HS6ST2: variants seen among roughly 807,000 people sequenced by gnomAD.
HS6ST2 encodes the protein heparan-sulfate 6-O-sulfotransferase 2.
A neutral mutation model predicts 33.0 loss-of-function variants in HS6ST2; 17 were observed. The observed-to-expected ratio is 0.52, with a 90% CI of 0.35 to 0.77. The LOEUF (loss-of-function observed/expected upper bound fraction) is 0.77, where lower values mean the gene tolerates loss of function less well. Among genes scored for constraint, HS6ST2 ranks in the 30% least tolerant of loss-of-function variants. HS6ST2 has a pLI of 0.01. For synonymous variants in HS6ST2, 248 were observed against 237.1 expected, an observed-to-expected ratio of 1.05 and a Z score of -0.42; for missense variants, 519 against 551.7, an observed-to-expected ratio of 0.94 and a Z score of 0.59.
intron 2 of HS6ST2, among the ~76,000 whole-genome samples, chrX:132,841,679 C>A (rs766159992): frequency 8.9e-6 from 1 of 111,800 alleles, no homozygotes; most frequent in Non-Finnish European, 1.9e-5. Flanking sequence ...GAACTTGATA[C>A]CCAAATAGCC....
intron 2 of HS6ST2, among the ~76,000 whole-genome samples, chrX:132,739,714 C>CA (rs147979550): frequency 0.012 from 605 of 52,082 alleles, 1 homozygote; most frequent in African/African-American, 0.023. Context: ...GACTCCATTT[C>CA]AAAAAAAAAA....
intron 2 of HS6ST2, among the ~76,000 whole-genome samples, chrX:132,889,824 T>C (rs556639734): frequency 9.0e-6 from 1 of 111,553 alleles, no homozygotes; most frequent in East Asian, 2.8e-4. Context: ...TTAGCCCACA[T>C]AGCCAAAGCA....
intron 2 of HS6ST2, among the ~76,000 whole-genome samples, chrX:132,755,754 C>G (rs2064752068): frequency 9.0e-6 from 1 of 111,669 alleles, no homozygotes; most frequent in Admixed American, 9.5e-5. Flanking sequence ...CACTTGAGCT[C>G]AAGAGTTCCA....
intron 4 of HS6ST2, among the ~76,000 whole-genome samples, chrX:132,654,474 G>A (rs1404284620): frequency 1.8e-5 from 2 of 111,182 alleles, no homozygotes; most frequent in Non-Finnish European, 3.8e-5. Flanking sequence ...TGAGGTTCAG[G>A]GAAATGCAAT....
At chrX:132,797,104 C>T (rs5933199) in intron 2 of HS6ST2, among the ~76,000 whole-genome samples, 5,064 of 111,043 alleles carry the variant, frequency 0.046, 126 homozygotes, top group Non-Finnish European at 0.067. Context: ...CTGACTGAAG[C>T]GGGGTATTGG....
intron 2 of HS6ST2, among the ~76,000 whole-genome samples, chrX:132,775,506 G>C (rs1285970497): frequency 8.9e-6 from 1 of 111,925 alleles, no homozygotes; most frequent in African/African-American, 3.2e-5. Context: ...GGTACATTGA[G>C]TATTTCCTTT....
chrX:132,816,415 GTTC>G (rs2065395344), intron 2 of HS6ST2, among the ~76,000 whole-genome samples: 1 of 112,120 alleles, frequency 8.9e-6, no homozygotes, highest in Non-Finnish European at 1.9e-5. Context: ...ATTGCTCTGA[GTTC>G]TTCAAGTGAG....
intron 4 of HS6ST2, among the ~76,000 whole-genome samples, chrX:132,629,763 C>T (rs750134894): frequency 8.9e-6 from 1 of 111,752 alleles, no homozygotes; most frequent in Non-Finnish European, 1.9e-5. Context: ...CAGCAATAAA[C>T]GCTGTGGTTA....
intron 2 of HS6ST2, among the ~76,000 whole-genome samples, chrX:132,881,626 T>C (rs773193206): frequency 5.4e-5 from 6 of 112,008 alleles, no homozygotes; most frequent in African/African-American, 1.9e-4. Flanking sequence ...CTCTTGAGTT[T>C]AATTAGATCC....
intron 4 of HS6ST2, among the ~76,000 whole-genome samples, chrX:132,656,385 T>C (rs1348153612): frequency 8.9e-6 from 1 of 111,867 alleles, no homozygotes; most frequent in African/African-American, 3.2e-5. Context: ...GAGTATTCTC[T>C]GGCTGGGTCT....
chrX:132,629,053 G>T lies in HS6ST2; in HGVS notation c.1108C>A (p.Arg370=), dbSNP rs1441957989. The change falls in exon 5 of 5, where the codon CGG becomes AGG. Residue 370 remains arginine, a synonymous_variant. Coordinates refer to ENST00000370833, the MANE Select transcript of HS6ST2 (RefSeq NM_001394073.1). ...YITILRDPVS[R]YLSEWRHVQR... ...ACATGCCTCCACTCACTCAAGTACC[G>T]GGACACTGGGTCTCGGAGGATGGTG... The T allele has an allele frequency of 8.3e-7, 1 of 1,201,967 alleles. No individual in the cohort carries two copies. Among genetic ancestry groups the T allele is most frequent in the Admixed American group, 2.2e-5 (1 of 45,148 alleles).
chrX:132,913,825 T>A (rs922922523), intron 2 of HS6ST2, among the ~76,000 whole-genome samples: 10 of 112,312 alleles, frequency 8.9e-5, no homozygotes, highest in Middle Eastern at 4.2e-3. Flanking sequence ...GCCCCAGTCC[T>A]ATGAGGATTG....
intron 3 of HS6ST2, among the ~76,000 whole-genome samples, chrX:132,679,759 G>C (rs1602573001): frequency 1.8e-5 from 2 of 108,340 alleles, no homozygotes; most frequent in African/African-American, 6.7e-5. Context: ...GCCTGGGGGG[G>C]GGCCAGTTCA....
chrX:132,951,499 T>C (rs1300315447), intron 2 of HS6ST2, among the ~76,000 whole-genome samples: 2 of 111,370 alleles, frequency 1.8e-5, no homozygotes, highest in African/African-American at 6.5e-5. Flanking sequence ...TTCCTCATAC[T>C]TTAGAAAGGA....
At chrX:132,948,151 C>T (rs771598861) in intron 2 of HS6ST2, among the ~76,000 whole-genome samples, 2 of 111,878 alleles carry the variant, frequency 1.8e-5, no homozygotes, top group African/African-American at 3.2e-5. Flanking sequence ...GGCATCTCCA[C>T]TAGTAAAATT....
chrX:132,903,185 T>C (rs1170944688), intron 2 of HS6ST2, among the ~76,000 whole-genome samples: 1 of 111,755 alleles, frequency 8.9e-6, no homozygotes, highest in Non-Finnish European at 1.9e-5. Context: ...AGAACACTGT[T>C]CCATTTACAA....
At chrX:132,630,539 C>G (rs1036574844) in intron 4 of HS6ST2, among the ~76,000 whole-genome samples, 3 of 111,940 alleles carry the variant, frequency 2.7e-5, no homozygotes, top group African/African-American at 9.8e-5. Context: ...TCCTTCAATA[C>G]CAGTTCAAGT....
At chrX:132,731,500 A>G (rs1278142944) in intron 2 of HS6ST2, among the ~76,000 whole-genome samples, 1 of 111,635 alleles carries the variant, frequency 9.0e-6, no homozygotes, top group African/African-American at 3.3e-5. Flanking sequence ...ATATATTATC[A>G]TAGACGGTAT....
intron 2 of HS6ST2, among the ~76,000 whole-genome samples, chrX:132,884,080 G>A (rs1418381344): frequency 9.0e-6 from 1 of 111,305 alleles, no homozygotes; most frequent in Non-Finnish European, 1.9e-5. Context: ...CTGTGGCATG[G>A]CTCTGACTTC....
Sources: gnomAD v4.1 joint callset for allele counts (sites outside exome capture counted in the v4.1 genomes callset) on GRCh38, gnomAD v4.1.1 for gene constraint, MANE v1.5 for transcripts, NCBI Gene and HGNC (gene_info 2026-07-23, HGNC 2026-07-21) for gene names.